Variants in CTTNBP2NL observed in about 807,000 individuals in gnomAD.
CTTNBP2NL encodes CTTNBP2 N-terminal-like protein.
A neutral mutation model predicts 32.5 loss-of-function variants in CTTNBP2NL; 16 were observed. The observed-to-expected ratio is 0.49, with a 90% CI of 0.33 to 0.75. The LOEUF is 0.75. Among genes scored for constraint, CTTNBP2NL ranks in the 30% least tolerant of loss-of-function variants. The probability of loss-of-function intolerance (pLI) is 0.02; values close to 1 mark genes in which losing one functional copy is unlikely to be tolerated. For missense variants in CTTNBP2NL, 645 were observed against 756.0 expected (o/e 0.85, Z 1.72); for synonymous variants, 298 against 289.4 (o/e 1.03, Z -0.30).
At chr1:112,448,271 G>C (rs17436996) in intron 3 of CTTNBP2NL, among the ~76,000 whole-genome samples, 2,243 of 152,300 alleles carry the variant, frequency 0.015, 41 homozygotes, top group Non-Finnish European at 0.02. Flanking sequence ...TGCATGTCTG[G>C]TTATGAGGTG....
At chr1:112,401,944 T>A (rs1471772064) in intron 1 of CTTNBP2NL, among the ~76,000 whole-genome samples, 2 of 152,190 alleles carry the variant, frequency 1.3e-5, no homozygotes, top group Non-Finnish European at 2.9e-5. Context: ...AACCCTTAAT[T>A]GTTACTGAGT....
Position 112,449,033 on chromosome 1 carries a change from T to C in CTTNBP2NL, c.191T>C (p.Leu64Pro). The C allele has an allele frequency of 6.2e-7, 1 of 1,612,668 alleles. No homozygotes were observed. The highest frequency in any genetic ancestry group is 8.5e-7 in the Non-Finnish European group (1 of 1,178,660). ...LMALQRDFET[L>P]KEKNDGEKQP... ...GCTCTACAGAGAGATTTTGAAACACTGAAGGAGAAAAATGATGGCGAAAAG... is the reference window on the plus strand; with the variant it reads ...GCTCTACAGAGAGATTTTGAAACACCGAAGGAGAAAAATGATGGCGAAAAG... Residue 64 changes from leucine (L) to proline (P), a missense_variant, in exon 4 of 6, where the codon CTG (leucine) becomes CCG (proline). Physicochemically the swap from Leu to Pro is moderately conservative, Grantham distance 98 (BLOSUM62 -3). Transcript: ENST00000271277.
At chr1:112,433,666 C>A (rs1375104671) in intron 3 of CTTNBP2NL, among the ~76,000 whole-genome samples, 1 of 152,192 alleles carries the variant, frequency 6.6e-6, no homozygotes, top group African/African-American at 2.4e-5. Flanking sequence ...TCTTGGTCTC[C>A]ATAAGCAACT....
intron 2 of CTTNBP2NL, among the ~76,000 whole-genome samples, chr1:112,413,099 A>T (rs1292441007): frequency 1.3e-5 from 2 of 152,008 alleles, no homozygotes; most frequent in Non-Finnish European, 2.9e-5. Flanking sequence ...TTTTAATTTT[A>T]CTCTTTTATA....
intron 3 of CTTNBP2NL, among the ~76,000 whole-genome samples, chr1:112,444,324 A>G (rs1352409330): frequency 6.6e-6 from 1 of 152,186 alleles, no homozygotes; most frequent in African/African-American, 2.4e-5. Flanking sequence ...GGAAGTGGAG[A>G]GGAGGTGACT....
At chr1:112,393,256 A>C (rs1216394752), upstream of CTTNBP2NL, among the ~76,000 whole-genome samples, 1 of 152,180 alleles carries the variant, frequency 6.6e-6, no homozygotes, top group Non-Finnish European at 1.5e-5. Context: ...TTGATGACAG[A>C]ATAAGAACTA....
intron 3 of CTTNBP2NL, among the ~76,000 whole-genome samples, chr1:112,419,557 A>T (rs1379081597): frequency 3.1e-5 from 1 of 32,346 alleles, no homozygotes; most frequent in African/African-American, 6.3e-5. Context: ...ACCAAAAATT[A>T]AAAAAAAAAT....
chr1:112,455,067 G>A (rs533460982), intron 5 of CTTNBP2NL, among the ~76,000 whole-genome samples: 102 of 152,242 alleles, frequency 6.7e-4, no homozygotes, highest in Admixed American at 2.1e-3. Context: ...TAAAATTCTA[G>A]TCGTGGCTCA....
At chr1:112,448,150 T>A (rs1015972186) in intron 3 of CTTNBP2NL, among the ~76,000 whole-genome samples, 1 of 152,266 alleles carries the variant, frequency 6.6e-6, no homozygotes, top group African/African-American at 2.4e-5. Flanking sequence ...TCTTACATGC[T>A]CATCCCCAAG....
chr1:112,428,594 G>A (rs888201266), intron 3 of CTTNBP2NL, among the ~76,000 whole-genome samples: 1 of 152,124 alleles, frequency 6.6e-6, no homozygotes, highest in African/African-American at 2.4e-5. Flanking sequence ...TCATACCACA[G>A]TCTAAAGAGT....
At chr1:112,446,042 A>G (rs1257029407) in intron 3 of CTTNBP2NL, among the ~76,000 whole-genome samples, 2 of 152,242 alleles carry the variant, frequency 1.3e-5, no homozygotes, top group Non-Finnish European at 2.9e-5. Flanking sequence ...GCCAATAGTT[A>G]TTCCTTTACC....
intron 3 of CTTNBP2NL, among the ~76,000 whole-genome samples, chr1:112,440,075 G>A (rs1050525661): frequency 2.6e-5 from 4 of 152,302 alleles, no homozygotes; most frequent in African/African-American, 7.2e-5. Context: ...CTGTTCCCAT[G>A]TCATTACTCA....
intron 3 of CTTNBP2NL, among the ~76,000 whole-genome samples, chr1:112,439,345 G>A (rs1649830016): frequency 6.6e-6 from 1 of 152,066 alleles, no homozygotes; most frequent in Non-Finnish European, 1.5e-5. Flanking sequence ...TCTTAACCAA[G>A]ATAAGGCCCT....
intron 2 of CTTNBP2NL, 53 bp from the exon 3 acceptor site, chr1:112,416,103 TG>T: frequency 1.1e-6 from 1 of 906,062 alleles, no homozygotes; most frequent in Non-Finnish European, 1.8e-6. Context: ...TTTCTTTAAT[TG>T]TATCAAATTA....
chr1:112,398,817 C>CAAA (rs3033224), intron 1 of CTTNBP2NL, among the ~76,000 whole-genome samples: 1 of 93,598 alleles, frequency 1.1e-5, no homozygotes, highest in East Asian at 3.8e-4. Flanking sequence ...TGTCTCTTAA[C>CAAA]AAAAAAAAAA....
chr1:112,394,435 T>G (rs545989698), upstream of CTTNBP2NL, among the ~76,000 whole-genome samples: 5 of 152,290 alleles, frequency 3.3e-5, no homozygotes, highest in South Asian at 4.1e-4. Flanking sequence ...CACTCTGTAT[T>G]TGTAATCATT....
Position 112,457,160 on chromosome 1 carries a change from C to A in CTTNBP2NL, c.1668C>A (p.Ser556=). The A allele has an allele frequency of 6.2e-7, 1 of 1,614,168 alleles. No homozygotes were observed. Among genetic ancestry groups the A allele is most frequent in the Non-Finnish European group, 8.5e-7 (1 of 1,180,038 alleles). Residue 556 remains serine, a synonymous_variant, in exon 6 of 6, where the codon TCC becomes TCA. Coordinates refer to ENST00000271277, the MANE Select transcript of CTTNBP2NL (RefSeq NM_018704.3). The stretch of plus-strand genomic sequence containing the variant: ...ATTCACCTACTCCAGGGAAAGTGTC[C>A]AGTCCCCTGAGCCCCCTGTCTCCAG... The part of the protein sequence containing the change: ...TSHSPTPGKV[S]SPLSPLSPGI...
chr1:112,401,769 C>T (rs957740706), intron 1 of CTTNBP2NL, among the ~76,000 whole-genome samples: 1 of 152,076 alleles, frequency 6.6e-6, no homozygotes, highest in Admixed American at 6.5e-5. Flanking sequence ...TAATGCAATG[C>T]GCTGTAATAT....
intron 5 of CTTNBP2NL, 131 bp downstream of exon 5, chr1:112,454,687 A>T (rs1453758971): frequency 1.7e-5 from 12 of 711,714 alleles, no homozygotes; most frequent in African/African-American, 3.5e-5. Context: ...GAACTACTGG[A>T]TTAAGCAAAG....
Sources: gnomAD v4.1 joint callset for allele counts (sites outside exome capture counted in the v4.1 genomes callset) on GRCh38, gnomAD v4.1.1 for gene constraint, MANE v1.5 for transcripts, NCBI Gene and HGNC (gene_info 2026-07-23, HGNC 2026-07-21) for gene names.